Variants in KCNH1 observed in about 807,000 individuals in gnomAD.
The protein encoded by KCNH1 is potassium voltage-gated channel subfamily H member 1, also known as voltage-gated delayed rectifier potassium channel KCNH1.
In KCNH1, 27 loss-of-function variants were observed where a neutral mutation model predicts 69.2. The observed-to-expected ratio is 0.39, with a 90% CI of 0.29 to 0.54. The LOEUF is 0.54. Ranked by LOEUF, KCNH1 falls within the 20% of genes least tolerant of loss-of-function variation. The pLI is 0.68. For missense variants in KCNH1, 798 were observed against 1,261.6 expected, an observed-to-expected ratio of 0.63 and a Z score of 5.57; for synonymous variants, 456 against 487.7, an observed-to-expected ratio of 0.93 and a Z score of 0.86.
intron 7 of KCNH1, among the ~76,000 whole-genome samples, chr1:210,818,593 GATAT>G: frequency 6.6e-6 from 1 of 152,236 alleles, no homozygotes; most frequent in South Asian, 2.1e-4. Context: ...TAAATTTGAT[GATAT>G]ATATAAAGTG....
At chr1:210,972,794 G>A (rs1688533549) in intron 6 of KCNH1, among the ~76,000 whole-genome samples, 1 of 151,842 alleles carries the variant, frequency 6.6e-6, no homozygotes, top group African/African-American at 2.4e-5. Flanking sequence ...GGTTCTTCAA[G>A]CAACAAGAAA....
intron 7 of KCNH1, among the ~76,000 whole-genome samples, chr1:210,897,638 G>C (rs903914865): frequency 6.6e-6 from 1 of 152,178 alleles, no homozygotes. Context: ...ATTTGGATTT[G>C]TATTGCTCTT....
intron 1 of KCNH1, among the ~76,000 whole-genome samples, chr1:211,113,708 A>G (rs1045139079): frequency 6.6e-6 from 1 of 152,110 alleles, no homozygotes; most frequent in African/African-American, 2.4e-5. Context: ...CTCAGTTCCC[A>G]TGGAGTCTGG....
intron 6 of KCNH1, among the ~76,000 whole-genome samples, chr1:210,997,680 C>G (rs182944338): frequency 6.6e-6 from 1 of 152,136 alleles, no homozygotes; most frequent in East Asian, 1.9e-4. Flanking sequence ...AGATACTCCT[C>G]GAGAAGAGCA....
At position 210,683,662 on chromosome 1, in the gene KCNH1, G is replaced by T; in HGVS notation, c.2589C>A (p.Pro863=). 3.7e-6 allele frequency: 6 copies of T among 1,614,154 alleles called. No homozygotes were observed. Among genetic ancestry groups the T allele is most frequent in the Non-Finnish European group, 5.1e-6 (6 of 1,180,028 alleles). Residue 863 remains proline (P), a synonymous_variant, in exon 11 of 11, where the codon CCC becomes CCA. Transcript: ENST00000271751. This position sits in a 1 kb window ranked among gnomAD's most constrained non-coding sequence, Gnocchi z 5.7. The part of the protein sequence containing the change: ...VSKAESMETL[P]ERTKASGEAT... ...CCTCGCCTGACGCTTTTGTCCTCTC[G>T]GGAAGTGTCTCCATCGACTCAGCCT...
chr1:211,127,124 T>A (rs1691790499), intron 1 of KCNH1, among the ~76,000 whole-genome samples: 1 of 152,236 alleles, frequency 6.6e-6, no homozygotes, highest in Admixed American at 6.5e-5. Flanking sequence ...ACAAAAGCTG[T>A]ACTCATTTTG....
intron 5 of KCNH1, among the ~76,000 whole-genome samples, chr1:211,034,889 A>G (rs190778704): frequency 6.6e-6 from 1 of 152,350 alleles, no homozygotes; most frequent in East Asian, 1.9e-4. Context: ...AGTTCTTGGT[A>G]ACAAATCCTC....
At chr1:210,760,933 A>G (rs1268978567) in intron 10 of KCNH1, among the ~76,000 whole-genome samples, 1 of 152,208 alleles carries the variant, frequency 6.6e-6, no homozygotes, top group Non-Finnish European at 1.5e-5. Context: ...GTCAAATCAT[A>G]TCAGAATGAT....
intron 3 of KCNH1, among the ~76,000 whole-genome samples, chr1:211,096,337 T>C (rs1406386086): frequency 6.6e-6 from 1 of 152,046 alleles, no homozygotes; most frequent in African/African-American, 2.4e-5. Context: ...GTGCTGTGAT[T>C]ACAGGTGTGA....
intron 7 of KCNH1, among the ~76,000 whole-genome samples, chr1:210,866,667 G>T (rs1323082818): frequency 1.3e-5 from 2 of 152,128 alleles, no homozygotes; most frequent in Non-Finnish European, 2.9e-5. Flanking sequence ...GTAAAGTGGT[G>T]CAGATGCTTT....
chr1:211,056,132 T>C (rs920634544), intron 5 of KCNH1, among the ~76,000 whole-genome samples: 4 of 152,200 alleles, frequency 2.6e-5, no homozygotes, highest in Admixed American at 6.5e-5. Context: ...CCCCGATTCA[T>C]GGCTTTGGCC....
intron 6 of KCNH1, among the ~76,000 whole-genome samples, chr1:210,980,656 A>T (rs1688691705): frequency 6.6e-6 from 1 of 152,190 alleles, no homozygotes; most frequent in Non-Finnish European, 1.5e-5. Flanking sequence ...GCTGAAAGAG[A>T]TTCTGTTTGT....
intron 2 of KCNH1, among the ~76,000 whole-genome samples, chr1:211,106,586 C>T (rs142263981): frequency 6.6e-6 from 1 of 151,242 alleles, no homozygotes; most frequent in Non-Finnish European, 1.5e-5. Flanking sequence ...GAGTTCGAGA[C>T]CAGCCTGGCC....
intron 8 of KCNH1, among the ~76,000 whole-genome samples, chr1:210,799,876 C>T (rs1029201548): frequency 3.3e-5 from 5 of 152,208 alleles, no homozygotes; most frequent in African/African-American, 1.2e-4. Flanking sequence ...ATCCCCACCC[C>T]CTCAGGTGCC....
chr1:210,859,982 T>G, intron 7 of KCNH1: 5 of 1,590,382 alleles, frequency 3.1e-6, no homozygotes, highest in Non-Finnish European at 4.3e-6. Context: ...TTGGCAGTCT[T>G]TCTAAGGCTG....
intron 6 of KCNH1, among the ~76,000 whole-genome samples, chr1:210,947,224 A>G (rs544752522): frequency 5.3e-5 from 8 of 152,280 alleles, no homozygotes; most frequent in Middle Eastern, 3.4e-3. Context: ...TTACAGATCA[A>G]TCCCTACCCC....
At chr1:210,846,970 C>T (rs148021301) in intron 7 of KCNH1, among the ~76,000 whole-genome samples, 11 of 152,146 alleles carry the variant, frequency 7.2e-5, no homozygotes, top group East Asian at 1.9e-4. Context: ...ACAAAAAACA[C>T]GTGAAAAAAT....
At chr1:210,950,107 G>A (rs914519780) in intron 6 of KCNH1, among the ~76,000 whole-genome samples, 4 of 152,154 alleles carry the variant, frequency 2.6e-5, no homozygotes, top group Non-Finnish European at 5.9e-5. Context: ...CTGAACACCA[G>A]GTAACAGCCT....
intron 7 of KCNH1, among the ~76,000 whole-genome samples, chr1:210,884,596 T>C (rs570683554): frequency 6.6e-6 from 1 of 152,330 alleles, no homozygotes; most frequent in Admixed American, 6.5e-5. Flanking sequence ...TTACTCCCCA[T>C]GTACTTTTGG....
Sources: allele counts gnomAD v4.1 joint callset (sites outside exome capture counted in the v4.1 genomes callset), GRCh38; gene constraint gnomAD v4.1.1; non-coding constraint Gnocchi (gnomAD v3.1); transcripts MANE v1.5; gene names NCBI Gene and HGNC (gene_info 2026-07-23, HGNC 2026-07-21).